UBAP2: variants seen among roughly 807,000 people sequenced by gnomAD.
UBAP2 encodes ubiquitin associated protein 2, also known as ubiquitin-associated protein 2.
UBAP2 carries 75 observed loss-of-function variants against 139.6 expected under a neutral mutation model. The observed-to-expected ratio is 0.54, with a 90% CI of 0.45 to 0.65. The LOEUF is 0.65. UBAP2 is among the 30% of genes least tolerant of loss of function. The pLI, the probability that UBAP2 is intolerant of heterozygous loss-of-function variation, is 0.00. For missense variants in UBAP2, 1,368 were observed against 1,369.6 expected (o/e 1.00, Z 0.02); for synonymous variants, 526 against 526.2 (o/e 1.00, Z 0.01).
intron 21 of UBAP2, 74 bp downstream of exon 21, chr9:33,926,915 G>T (rs746731833): frequency 1.0e-5 from 15 of 1,470,238 alleles, no homozygotes; most frequent in Admixed American, 1.7e-5. Flanking sequence ...TGGGCCCAAC[G>T]CCAGGTTCCT....
Position 33,963,764 on chromosome 9 carries a change from G to C in UBAP2, c.707C>G (p.Ala236Gly), listed in dbSNP as rs976008800. Residue 236 changes from alanine to glycine, a missense_variant, in exon 9 of 29, where the codon GCT becomes GGT. Physicochemically the swap from Ala to Gly is moderately conservative, Grantham distance 60 (BLOSUM62 0). Transcript: ENST00000379238. ...TELASNTHNI[A>G]QDLSNKSSYG... The stretch of plus-strand genomic sequence containing the variant: ...AGAACTTTTGTTTGACAGATCCTGA[G>C]CTATGTTGTGAGTATTTGATGCCAG... 6.2e-7 allele frequency: 1 copy of C among 1,612,614 alleles called. No homozygotes were observed. The highest frequency in any genetic ancestry group is 1.3e-5 in the African/African-American group (1 of 74,990).
Position 34,017,128 on chromosome 9 carries a change from A to C in UBAP2, c.21T>G (p.Ser7Arg). 6.2e-7 allele frequency: 1 copy of C among 1,609,180 alleles called. No homozygotes were observed. The highest frequency in any genetic ancestry group is 8.5e-7 in the Non-Finnish European group (1 of 1,178,698). The change falls in exon 2 of 29, where the codon AGT (serine) becomes AGG (arginine). Residue 7 changes from serine (S) to arginine (R), a missense_variant. Physicochemically the swap from Ser to Arg is moderately radical, Grantham distance 110 (BLOSUM62 -1). Transcript: ENST00000379238. The stretch of plus-strand genomic sequence containing the variant: ...TTTCCCGAGCACCTCGACAATGGTC[A>C]CTGCTCACTGAAGTCATCATATACA... MMTSVSSDHCRGAREKP... is the reference protein window; with the variant it reads MMTSVSRDHCRGAREKP...
chr9:33,956,617 T>C (rs1262444421), intron 10 of UBAP2, among the ~76,000 whole-genome samples: 2 of 151,984 alleles, frequency 1.3e-5, no homozygotes, highest in Non-Finnish European at 2.9e-5. Flanking sequence ...GTATAAGCCA[T>C]GGCGCCCGGC....
At chr9:33,996,482 CT>C in intron 3 of UBAP2, 149 bp from the exon 4 acceptor site, 1 of 577,184 alleles carries the variant, frequency 1.7e-6, no homozygotes, top group Non-Finnish European at 3.0e-6. Context: ...GACATGTTTA[CT>C]TATTTTTTTG....
At chr9:34,011,102 A>C (rs1823717104) in intron 2 of UBAP2, among the ~76,000 whole-genome samples, 1 of 152,182 alleles carries the variant, frequency 6.6e-6, no homozygotes, top group Non-Finnish European at 1.5e-5. Context: ...AAATATTAAC[A>C]AACAAGCACT....
intron 2 of UBAP2, among the ~76,000 whole-genome samples, chr9:34,002,376 GCTT>G (rs1822784658): frequency 1.9e-5 from 2 of 107,734 alleles, no homozygotes; most frequent in African/African-American, 3.4e-5. Context: ...CTGCATAGGT[GCTT>G]TTTTTTTTTT....
intron 6 of UBAP2, among the ~76,000 whole-genome samples, chr9:33,978,942 G>C (rs1482662217): frequency 6.6e-6 from 1 of 152,168 alleles, no homozygotes; most frequent in Non-Finnish European, 1.5e-5. Context: ...GTAACTTCAA[G>C]TGTAATTCAT....
At chr9:33,946,610 G>A (rs1825671659) in intron 13 of UBAP2, among the ~76,000 whole-genome samples, 1 of 152,078 alleles carries the variant, frequency 6.6e-6, no homozygotes. Flanking sequence ...GCCCAGGCTG[G>A]TCTCGAACTC....
intron 1 of UBAP2, among the ~76,000 whole-genome samples, chr9:34,035,036 A>T (rs1826211229): frequency 6.6e-6 from 1 of 152,168 alleles, no homozygotes. Context: ...CAAAATGAAT[A>T]CATTCACTGC....
intron 1 of UBAP2, among the ~76,000 whole-genome samples, chr9:34,037,184 T>C (rs1471573296): frequency 1.3e-5 from 2 of 152,032 alleles, no homozygotes; most frequent in African/African-American, 2.4e-5. Context: ...GAGACGGGGT[T>C]TCACCGTTTT....
intron 10 of UBAP2, among the ~76,000 whole-genome samples, chr9:33,959,644 T>C (rs1176129266): frequency 6.6e-6 from 1 of 152,180 alleles, no homozygotes; most frequent in Non-Finnish European, 1.5e-5. Flanking sequence ...GCAGAACTTA[T>C]AGACTGACAG....
chr9:33,968,403 A>C (rs1827632805), intron 8 of UBAP2: 2 of 566,556 alleles, frequency 3.5e-6, no homozygotes, highest in South Asian at 2.8e-5. Flanking sequence ...AGGAAGCAAG[A>C]CACCACCACC....
chr9:34,020,574 C>T (rs1486955131), intron 1 of UBAP2, among the ~76,000 whole-genome samples: 1 of 152,012 alleles, frequency 6.6e-6, no homozygotes, highest in Non-Finnish European at 1.5e-5. Context: ...GATCCACCAG[C>T]CTTGGCCTCC....
At chr9:33,926,769 G>A (rs12551409) in intron 21 of UBAP2, 105 bp from the exon 22 acceptor site, 22,322 of 1,226,960 alleles carry the variant, frequency 0.018, 376 homozygotes, top group South Asian at 0.06. Context: ...TAACACACCC[G>A]GGAATGGGAT....
intron 2 of UBAP2, among the ~76,000 whole-genome samples, chr9:34,015,632 T>C (rs1405371264): frequency 6.6e-6 from 1 of 151,652 alleles, no homozygotes; most frequent in Non-Finnish European, 1.5e-5. Context: ...CGGCCTCAAG[T>C]GGATCTTGAT....
chr9:33,940,151 C>G (rs1447617065), intron 16 of UBAP2, among the ~76,000 whole-genome samples: 1 of 151,998 alleles, frequency 6.6e-6, no homozygotes, highest in African/African-American at 2.4e-5. Context: ...GTTAAGACAT[C>G]GGATGCATGC....
intron 1 of UBAP2, among the ~76,000 whole-genome samples, chr9:34,047,534 G>C (rs1463431740): frequency 6.6e-6 from 1 of 152,212 alleles, no homozygotes; most frequent in African/African-American, 2.4e-5. Flanking sequence ...ACAATTCACA[G>C]TGAAAAGTGA....
In UBAP2 at chr9:33,956,123, A is replaced by G. The variant is rs775913404; in HGVS notation, c.822T>C (p.Thr274=). ...GATTCTCTGCTGGAGCAGATGAGGC[A>G]GTGAAGACCTTTGTTTCAGAAAGCT... The part of the protein sequence containing the change: ...TEDLSETKVF[T]ASSAPAENHI... The change falls in exon 11 of 29, where the codon ACT becomes ACC. Residue 274 remains threonine (T), a synonymous_variant. Coordinates refer to ENST00000379238, the MANE Select transcript of UBAP2 (RefSeq NM_001370062.2). 2 of 1,613,848 alleles carry G rather than the reference A, an allele frequency of 1.2e-6. No homozygotes were observed. The highest frequency in any genetic ancestry group is 1.7e-6 in the Non-Finnish European group (2 of 1,179,908).
chr9:33,957,641 A>C (rs1826680192), intron 10 of UBAP2, among the ~76,000 whole-genome samples: 1 of 152,212 alleles, frequency 6.6e-6, no homozygotes, highest in African/African-American at 2.4e-5. Context: ...AAAGATACAT[A>C]TTCTTTTTAT....
Sources: allele counts gnomAD v4.1 joint callset (sites outside exome capture counted in the v4.1 genomes callset), GRCh38; gene constraint gnomAD v4.1.1; transcripts MANE v1.5; gene names NCBI Gene and HGNC (gene_info 2026-07-23, HGNC 2026-07-21).